Variants in URB2 observed in about 807,000 individuals in gnomAD.
URB2 encodes unhealthy ribosome biogenesis protein 2 homolog.
In URB2, 86 loss-of-function variants were observed where a neutral mutation model predicts 120.9. The ratio of observed to expected loss-of-function variants is 0.71; its 90% CI spans 0.60 to 0.85. The LOEUF is 0.85. Ranked by LOEUF, URB2 falls within the 40% of genes least tolerant of loss-of-function variation. The pLI is 0.00. For missense variants in URB2, 1,765 were observed against 1,836.5 expected, an observed-to-expected ratio of 0.96 and a Z score of 0.71; for synonymous variants, 755 against 758.4, an observed-to-expected ratio of 1.00 and a Z score of 0.07.
rs769502292 is a variant in URB2 at position 229,641,009 on chromosome 1, CTTTTTTT to C, written c.3635-2509_3635-2503del. Among the ~76,000 whole-genome samples the C allele has an allele frequency of 5.2e-5, 6 of 115,280 alleles. No homozygotes were observed. The South Asian group carries it at 1.4e-3, about 27-fold the overall frequency. 75.6% of individuals were successfully genotyped at this position (115,280 alleles called of 152,430 possible). ...CAACCCTACTGAGTTGAGGCAATCTCTTTTTTTTTTTTTTTTTTTTTGAGACAGAGTC... is the reference window on the plus strand; with the variant it reads ...CAACCCTACTGAGTTGAGGCAATCTCTTTTTTTTTTTTTTGAGACAGAGTC... On this transcript the variant is annotated intron_variant, in intron 4 of 9. Coordinates refer to ENST00000258243, the MANE Select transcript of URB2 (RefSeq NM_014777.4).
chr1:229,647,619 A>G lies in URB2; in HGVS notation c.4016A>G (p.Asn1339Ser), dbSNP rs754347984. 2.5e-6 allele frequency: 4 copies of G among 1,613,858 alleles called. No homozygotes were observed. In the African/African-American group the frequency reaches 4.0e-5, roughly 16 times the overall value. The stretch of plus-strand genomic sequence containing the variant: ...CGGCAGGGGGAGGAGGCCATCGGCA[A>G]CCCCCACCACGTCAGCCTGGCCTTC... The part of the protein sequence containing the change: ...LLRQGEEAIG[N>S]PHHVSLAFSI... The change falls in exon 7 of 10, where the codon AAC becomes AGC. Residue 1339 changes from asparagine (N) to serine (S), a missense_variant. Coordinates refer to ENST00000258243, the MANE Select transcript of URB2 (RefSeq NM_014777.4).
At chr1:229,628,126 TAC>T (rs934824101) in intron 2 of URB2, among the ~76,000 whole-genome samples, 2 of 126,292 alleles carry the variant, frequency 1.6e-5, no homozygotes, top group African/African-American at 3.3e-5. Context: ...TATGTATATA[TAC>T]ATATATAATA....
At chr1:229,634,236 C>T (rs1005844988) in intron 3 of URB2, among the ~76,000 whole-genome samples, 2 of 145,054 alleles carry the variant, frequency 1.4e-5, no homozygotes, top group Admixed American at 1.4e-4. Flanking sequence ...GACAGGGTCC[C>T]GCTCTGTCAC....
At position 229,636,446 on chromosome 1, in the gene URB2, C is replaced by G; in HGVS notation, c.1833C>G (p.Tyr611Ter). 1 of 1,614,288 alleles carries G rather than the reference C, an allele frequency of 6.2e-7. No homozygotes were observed. The highest frequency in any genetic ancestry group is 8.5e-7 in the Non-Finnish European group (1 of 1,180,048). ...KVSDSVLLLS[Y>*]TWAQVDAMFS... ...GTGACTCTGTGCTCCTGCTCTCTTA[C>G]ACTTGGGCCCAGGTGGACGCTATGT... The change falls in exon 4 of 10, where the codon TAC (tyrosine) becomes TAG (stop). Residue 611 changes from tyrosine to a stop codon, truncating the protein, a stop_gained. Transcript: ENST00000258243. LOFTEE classifies it high-confidence loss of function.
chr1:229,634,806 T>TA, intron 3 of URB2, 111 bp from the exon 4 acceptor site: 1 of 1,031,724 alleles, frequency 9.7e-7, no homozygotes. Flanking sequence ...ATTTCTTTCT[T>TA]ACCAAGATGA....
At chr1:229,652,174 T>C (rs535478821) in intron 8 of URB2, among the ~76,000 whole-genome samples, 1 of 147,938 alleles carries the variant, frequency 6.8e-6, no homozygotes, top group African/African-American at 2.5e-5. Flanking sequence ...AGAGCAAGAC[T>C]CTGTCTCCAA....
rs3811472 is a variant in URB2 at position 229,635,225 on chromosome 1, G to T, written c.612G>T (p.Pro204=). ...ATGTGACTGCTCACCTGCTCCAGCC[G>T]TGCCTGGTCCTGAGGCACTTACTCT... ...FGDVTAHLLQ[P]CLVLRHLLSG... is the part of the protein sequence containing the mutation. Residue 204 remains proline (P), a synonymous_variant, in exon 4 of 10, where the codon CCG becomes CCT. Transcript: ENST00000258243. 3 of 1,614,106 alleles carry T rather than the reference G, an allele frequency of 1.9e-6. No homozygotes were observed. The highest frequency in any genetic ancestry group is 2.5e-6 in the Non-Finnish European group (3 of 1,180,058).
intron 4 of URB2, among the ~76,000 whole-genome samples, chr1:229,640,655 AAGT>A (rs1399617118): frequency 6.6e-6 from 1 of 152,192 alleles, no homozygotes; most frequent in Non-Finnish European, 1.5e-5. Flanking sequence ...TTCTCGCAGA[AAGT>A]AAAGCCATCT....
rs371246509 is a variant in URB2 at position 229,654,277 on chromosome 1, A to C, written c.4266A>C (p.Leu1422=). The C allele has an allele frequency of 6.2e-7, 1 of 1,614,032 alleles. No homozygotes were observed. Among genetic ancestry groups the C allele is most frequent in the African/African-American group, 1.3e-5 (1 of 74,904 alleles). Residue 1422 remains leucine (L), a synonymous_variant, in exon 9 of 10, where the codon CTA becomes CTC. Transcript: ENST00000258243. ...GCATAGATGACCTGCCTACGGTCCTAAAGTGTGCACGCCTGGTTGAAAGAA... is the reference window on the plus strand; with the variant it reads ...GCATAGATGACCTGCCTACGGTCCTCAAGTGTGCACGCCTGGTTGAAAGAA... The part of the protein sequence containing the change: ...KGSIDDLPTV[L]KCARLVERMY...
chr1:229,630,954 C>G (rs1665648460), intron 2 of URB2, among the ~76,000 whole-genome samples: 1 of 144,626 alleles, frequency 6.9e-6, no homozygotes, highest in Admixed American at 7.2e-5. Context: ...TCCACTCCAG[C>G]CTGGGTGACA....
chr1:229,654,098 C>G, intron 8 of URB2, 151 bp from the exon 9 acceptor site: 1 of 1,114,662 alleles, frequency 9.0e-7, no homozygotes, highest in South Asian at 1.6e-5. Flanking sequence ...TCTGTTCTCC[C>G]TTATTCTGTC....
chr1:229,655,691 G>A (rs1379854731), intron 9 of URB2, among the ~76,000 whole-genome samples: 1 of 152,194 alleles, frequency 6.6e-6, no homozygotes, highest in Admixed American at 6.5e-5. Context: ...AAAGTGCGGT[G>A]TATTCTTTTG....
At position 229,637,120 on chromosome 1, in the gene URB2, A is replaced by G. The variant is rs1218254357; in HGVS notation, c.2507A>G (p.Gln836Arg). 2 of 1,613,066 alleles carry G rather than the reference A, an allele frequency of 1.2e-6. No homozygotes were observed. The highest frequency in any genetic ancestry group is 2.2e-5 in the South Asian group (2 of 91,010). ...CAGCGTGACTCAGGTCTTGTCAGTC[A>G]GCAGCTTCCCTGGCTTTTTGAAAAG... is the stretch of plus-strand genomic sequence containing the variant. ...GAQRDSGLVS[Q>R]QLPWLFEKDH... The change falls in exon 4 of 10, where the codon CAG becomes CGG. Residue 836 changes from glutamine (Q) to arginine (R), a missense_variant. Physicochemically the swap from Gln to Arg is conservative, Grantham distance 43. Transcript: ENST00000258243.
At chr1:229,627,845 T>TA (rs1173187935) in intron 2 of URB2, 86 bp downstream of exon 2, 11 of 1,453,390 alleles carry the variant, frequency 7.6e-6, no homozygotes, top group Admixed American at 5.0e-5. Flanking sequence ...TTGGTTAAAA[T>TA]AAAAAAATAG....
chr1:229,642,055 T>C (rs973451199), intron 4 of URB2, among the ~76,000 whole-genome samples: 1 of 152,206 alleles, frequency 6.6e-6, no homozygotes, highest in African/African-American at 2.4e-5. Flanking sequence ...TGTTTGAGGC[T>C]GTATCCTGCT....
chr1:229,632,336 A>T lies in URB2; in HGVS notation c.194A>T (p.Asp65Val). Residue 65 changes from aspartate (D) to valine (V), a missense_variant, in exon 3 of 10, where the codon GAT (aspartate) becomes GTT (valine). Physicochemically the swap from Asp to Val is radical, Grantham distance 152. Transcript: ENST00000258243. The stretch of plus-strand genomic sequence containing the variant: ...AAGAAAAAGCTTGAACTGAAGGAAG[A>T]TATTGTTGAAAGGCTTTGGATCTAT... ...FYKKKLELKE[D>V]IVERLWIYID... 1 of 1,596,620 alleles carries T rather than the reference A, an allele frequency of 6.3e-7. No individual in the cohort carries two copies.
intron 2 of URB2, among the ~76,000 whole-genome samples, chr1:229,630,142 T>G (rs1392234691): frequency 1.3e-5 from 2 of 152,222 alleles, no homozygotes; most frequent in Admixed American, 1.3e-4. Context: ...TATTTTGACC[T>G]CTTTCCATGA....
intron 2 of URB2, among the ~76,000 whole-genome samples, chr1:229,631,110 C>G (rs10916532): frequency 0.53 from 81,176 of 151,884 alleles, 21,922 homozygotes; most frequent in East Asian, 0.77. Context: ...CGACCTTCTA[C>G]ATAACTTCAC....
At chr1:229,654,771 T>C (rs1666368233) in intron 9 of URB2, among the ~76,000 whole-genome samples, 1 of 152,180 alleles carries the variant, frequency 6.6e-6, no homozygotes, top group African/African-American at 2.4e-5. Context: ...GAGTCCTGTC[T>C]AGTTCAAGGT....
Sources: allele counts gnomAD v4.1 joint callset (sites outside exome capture counted in the v4.1 genomes callset), GRCh38; gene constraint gnomAD v4.1.1; transcripts MANE v1.5; gene names NCBI Gene and HGNC (gene_info 2026-07-23, HGNC 2026-07-21).